The following TRPV1 variants were observed in gnomAD, a reference collection of about 807,000 sequenced individuals.
The protein encoded by TRPV1 is transient receptor potential cation channel subfamily V member 1.
In TRPV1, 82 loss-of-function variants were observed where a neutral mutation model predicts 82.3. The ratio of observed to expected loss-of-function variants is 1.00; its 90% CI spans 0.83 to 1.20. TRPV1 has a LOEUF of 1.20. Ranked by LOEUF, TRPV1 falls within the 50% of genes most tolerant of loss-of-function variation. TRPV1 has a pLI of 0.00. For synonymous variants in TRPV1, 515 were observed against 467.7 expected (o/e 1.10, Z -1.30); for missense variants, 1,067 against 1,096.8 (o/e 0.97, Z 0.38).
chr17:3,571,327 T>G (rs1295645810), intron 16 of TRPV1, among the ~76,000 whole-genome samples, 197 bp downstream of exon 16: 1 of 152,184 alleles, frequency 6.6e-6, no homozygotes, highest in East Asian at 1.9e-4. Flanking sequence ...CCATCAGCCG[T>G]CAGCCGTGAC....
intron 10 of TRPV1, among the ~76,000 whole-genome samples, chr17:3,581,551 A>C (rs2075010103): frequency 6.6e-6 from 1 of 152,210 alleles, no homozygotes; most frequent in Non-Finnish European, 1.5e-5. Flanking sequence ...CTGAAAAAAA[A>C]AACTGGATAG....
chr17:3,598,350 G>A (rs1302066035), intron 2 of TRPV1, among the ~76,000 whole-genome samples: 1 of 152,184 alleles, frequency 6.6e-6, no homozygotes, highest in Non-Finnish European at 1.5e-5. Context: ...AGTTGACAAA[G>A]AGCTTTCCCA....
intron 2 of TRPV1, chr17:3,602,124 G>A (rs2075267592): frequency 6.6e-6 from 1 of 152,176 alleles, no homozygotes; most frequent in South Asian, 2.1e-4. Context: ...TACTGATAAG[G>A]AAAGAAGCAC....
At chr17:3,587,545 G>A (rs763606388) in intron 8 of TRPV1, among the ~76,000 whole-genome samples, 9 of 152,158 alleles carry the variant, frequency 5.9e-5, no homozygotes, top group South Asian at 2.1e-4. Flanking sequence ...TTGGCCTGGC[G>A]CAGTGGTTCA....
intron 13 of TRPV1, 81 bp from the exon 14 acceptor site, chr17:3,574,036 T>A: frequency 1.6e-6 from 2 of 1,228,114 alleles, no homozygotes. Context: ...TCCTGCTCAG[T>A]CAGTCTCAAA....
At chr17:3,580,556 C>T (rs2074994206) in intron 10 of TRPV1, 29 bp from the exon 11 acceptor site, 2 of 1,612,750 alleles carry the variant, frequency 1.2e-6, no homozygotes, top group East Asian at 2.2e-5. Flanking sequence ...AGTAAGATCC[C>T]AGGCAATGCT....
Position 3,573,900 on chromosome 17 carries a change from C to T in TRPV1, c.1836G>A (p.Thr612=), listed in dbSNP as rs114179863. Residue 612 remains threonine, a synonymous_variant, in exon 14 of 17, where the codon ACG becomes ACA. Transcript: ENST00000572705. ...AGGCAGGCCCCCGCCACCTGTGCGA[C>T]GTGGACTCAGACGGCAGGGAGTCAT... ...GKNDSLPSES[T]SHRWRGPACR... 3,818 of 1,610,324 alleles carry T rather than the reference C, an allele frequency of 2.4e-3. 58 individuals are homozygous for T. In the African/African-American group the frequency reaches 0.042, roughly 18 times the overall value.
chr17:3,573,534 C>T (rs2150827657), intron 14 of TRPV1, 99 bp downstream of exon 14: 1 of 143,762 alleles, frequency 7.0e-6, no homozygotes. Context: ...CACACACCGC[C>T]CCCACCACCC....
At chr17:3,591,392 TC>T in intron 3 of TRPV1, 39 bp from the exon 4 acceptor site, 1 of 1,529,562 alleles carries the variant, frequency 6.5e-7, no homozygotes. Flanking sequence ...TACCCTGGCC[TC>T]CCCTCGGCCC....
intron 13 of TRPV1, among the ~76,000 whole-genome samples, chr17:3,575,269 G>A (rs2074914382): frequency 6.6e-6 from 1 of 152,130 alleles, no homozygotes; most frequent in Non-Finnish European, 1.5e-5. Flanking sequence ...GATCACCTGA[G>A]GTCAGGAGTT....
chr17:3,566,944 T>C lies in TRPV1; in HGVS notation c.2391A>G (p.Leu797=), dbSNP rs201339920. The C allele has an allele frequency of 7.1e-5, 114 of 1,613,862 alleles. No individual in the cohort carries two copies. The East Asian group carries it at 1.4e-3, about 21-fold the overall frequency. ...GCCTATCTCGAGCACTTGCCTCTCT[T>C]AAAAGGGGGACCAGGGCAAAGTTCT... ...HWKNFALVPL[L]REASARDRQS... is the part of the protein sequence containing the mutation. Residue 797 remains leucine, a synonymous_variant, in exon 17 of 17, where the codon TTA becomes TTG. Transcript: ENST00000572705.
intron 3 of TRPV1, 45 bp from the exon 4 acceptor site, chr17:3,591,398 C>CATACGAA (rs2075156203): frequency 1.3e-6 from 2 of 1,526,878 alleles, no homozygotes; most frequent in East Asian, 4.5e-5. Context: ...GGCCTCCCCT[C>CATACGAA]GGCCCTGAGG....
At chr17:3,567,291 C>T (rs779115701) in intron 16 of TRPV1, among the ~76,000 whole-genome samples, 1 of 144,484 alleles carries the variant, frequency 6.9e-6, no homozygotes, top group African/African-American at 2.6e-5. Flanking sequence ...ATCACTTGAA[C>T]CTGGGAGGCA....
chr17:3,580,024 CCCCG>C (rs1419721507), intron 11 of TRPV1, among the ~76,000 whole-genome samples: 1 of 71,868 alleles, frequency 1.4e-5, no homozygotes, highest in African/African-American at 3.5e-5. Context: ...ACAGGGCAGC[CCCCG>C]CCCCGCCCCG....
At chr17:3,574,008 G>T in intron 13 of TRPV1, 53 bp from the exon 14 acceptor site, 1 of 1,456,386 alleles carries the variant, frequency 6.9e-7, no homozygotes, top group Non-Finnish European at 9.2e-7. Flanking sequence ...AATATCCCAA[G>T]TCCCCTGACA....
rs1463730710 is a variant in TRPV1, at chr17:3,588,331, G to A, written c.1081C>T (p.Pro361Ser). 5.8e-6 allele frequency: 9 copies of A among 1,564,854 alleles called. No individual in the cohort carries two copies. The highest frequency in any genetic ancestry group is 1.4e-5 in the African/African-American group (1 of 73,476). ...TTCCTGGACAGGTGCCTGCACTCGGGCTCCTGGATCTCCCGCTGGAGAATA... is the reference window on the plus strand; with the variant it reads ...TTCCTGGACAGGTGCCTGCACTCGGACTCCTGGATCTCCCGCTGGAGAATA... ...AYILQREIQE[P>S]ECRHLSRKFT... Residue 361 changes from proline (P) to serine (S), a missense_variant, in exon 8 of 17, where the codon CCC becomes TCC. Coordinates refer to ENST00000572705, the MANE Select transcript of TRPV1 (RefSeq NM_080704.4).
rs576397065 is a variant in TRPV1 at position 3,570,776 on chromosome 17, C to G, written c.2347+748G>C. Reference sequence around the variant, plus strand: ...TTGCCCCGGCTGGAGTGTAGTGGTGCGATCTCGGCTCACTGCAACCTCCGC... The same window carrying G: ...TTGCCCCGGCTGGAGTGTAGTGGTGGGATCTCGGCTCACTGCAACCTCCGC... On this transcript the variant is annotated intron_variant, in intron 16 of 16. Transcript: ENST00000572705. 2.0e-5 allele frequency among the ~76,000 whole-genome samples: 3 copies of G among 152,006 alleles called. No homozygotes were observed. In the South Asian group the frequency reaches 6.2e-4, roughly 32 times the overall value.
chr17:3,593,830 A>G (rs2075190746), intron 2 of TRPV1, among the ~76,000 whole-genome samples: 1 of 152,128 alleles, frequency 6.6e-6, no homozygotes, highest in Non-Finnish European at 1.5e-5. Flanking sequence ...TCTCCTTATG[A>G]AGAAGCTGTA....
intron 13 of TRPV1, among the ~76,000 whole-genome samples, chr17:3,575,308 C>T (rs1005134961): frequency 2.0e-5 from 3 of 152,070 alleles, no homozygotes; most frequent in Admixed American, 2.0e-4. Context: ...CATGGTAAAA[C>T]CCCATCTGTA....
Sources: gnomAD v4.1 joint callset for allele counts (sites outside exome capture counted in the v4.1 genomes callset) on GRCh38, gnomAD v4.1.1 for gene constraint, MANE v1.5 for transcripts, NCBI Gene and HGNC (gene_info 2026-07-23, HGNC 2026-07-21) for gene names.